Variants in HEATR5B observed in about 807,000 individuals in gnomAD.
The protein encoded by HEATR5B is HEAT repeat-containing protein 5B.
Under a neutral mutation model 224.1 loss-of-function variants are expected in HEATR5B, and 156 were observed. That is an observed-to-expected ratio of 0.70 (90% confidence interval 0.61 to 0.80). The LOEUF (loss-of-function observed/expected upper bound fraction) is 0.80, where lower values mean the gene tolerates loss of function less well. Ranked by LOEUF, HEATR5B falls within the 30% of genes least tolerant of loss-of-function variation. The pLI is 0.00. For missense variants in HEATR5B, 2,323 were observed against 2,535.5 expected (o/e 0.92, Z 1.80); for synonymous variants, 1,027 against 893.0 (o/e 1.15, Z -2.68).
Position 37,005,633 on chromosome 2 carries a change from T to G in HEATR5B, c.4904A>C (p.Gln1635Pro). The G allele has an allele frequency of 6.2e-7, 1 of 1,613,240 alleles. No individual in the cohort carries two copies. Among genetic ancestry groups the G allele is most frequent in the East Asian group, 2.2e-5 (1 of 44,844 alleles). Residue 1635 changes from glutamine (Q) to proline (P), a missense_variant and splice_region_variant, in exon 30 of 36, where the codon CAG becomes CCG. By Grantham distance (76) the Gln-to-Pro change is moderately conservative. Around this residue, in one of 12 missense-constraint regions of HEATR5B, gnomAD observed 844 missense variants for 812.9 expected, o/e 1.04. Coordinates refer to ENST00000233099, the MANE Select transcript of HEATR5B (RefSeq NM_019024.3). ...ATCTATCATAGCAATACACTGTACC[T>G]GATCTTCTGCAATATGGACTCGAGC... ...PYARVHIAED[Q>P]LIGVELLSVL...
chr2:37,069,703 G>A (rs965558583), intron 7 of HEATR5B, among the ~76,000 whole-genome samples: 1 of 152,100 alleles, frequency 6.6e-6, no homozygotes, highest in African/African-American at 2.4e-5. Flanking sequence ...CACAAATATG[G>A]TAGACACAGG....
chr2:37,025,130 T>C (rs1238491647), intron 24 of HEATR5B, among the ~76,000 whole-genome samples: 1 of 152,164 alleles, frequency 6.6e-6, no homozygotes, highest in Non-Finnish European at 1.5e-5. Context: ...TACTCTGCCA[T>C]GACTGTTCAG....
intron 26 of HEATR5B, 32 bp from the exon 27 acceptor site, chr2:37,014,052 A>G: frequency 1.6e-6 from 2 of 1,242,506 alleles, no homozygotes; most frequent in Non-Finnish European, 2.2e-6. Context: ...ACTTTTGTGT[A>G]AAAAAAATTA....
intron 14 of HEATR5B, 105 bp from the exon 15 acceptor site, chr2:37,057,585 A>T (rs1156488016): frequency 1.4e-6 from 1 of 695,804 alleles, no homozygotes; most frequent in Non-Finnish European, 2.3e-6. Context: ...TAAAATAATT[A>T]AGTCTCTGTT....
intron 33 of HEATR5B, among the ~76,000 whole-genome samples, chr2:36,991,733 T>C (rs183227491): frequency 6.6e-5 from 10 of 152,300 alleles, no homozygotes; most frequent in African/African-American, 2.2e-4. Flanking sequence ...CTGATCCCTA[T>C]CTTTTGTGTA....
At chr2:37,061,745 T>C (rs1175898709) in intron 11 of HEATR5B, among the ~76,000 whole-genome samples, 194 bp downstream of exon 11, 1 of 152,214 alleles carries the variant, frequency 6.6e-6, no homozygotes, top group Non-Finnish European at 1.5e-5. Context: ...AACAACTTTC[T>C]CATTAAATGT....
intron 10 of HEATR5B, among the ~76,000 whole-genome samples, chr2:37,063,129 G>T (rs138368761): frequency 5.3e-5 from 8 of 152,232 alleles, no homozygotes; most frequent in African/African-American, 1.7e-4. Flanking sequence ...ATGCATAATA[G>T]GAGTTCAACA....
intron 18 of HEATR5B, among the ~76,000 whole-genome samples, chr2:37,047,434 A>T (rs1670275768): frequency 6.6e-6 from 1 of 152,268 alleles, no homozygotes; most frequent in Admixed American, 6.5e-5. Context: ...TTTCTCAAAA[A>T]GTAACAGGTT....
intron 16 of HEATR5B, among the ~76,000 whole-genome samples, chr2:37,055,261 T>C (rs1348726702): frequency 6.6e-6 from 1 of 152,036 alleles, no homozygotes. Context: ...CTTATCCTCC[T>C]ACTGTTGAAT....
chr2:37,081,433 C>T (rs1238102365), intron 2 of HEATR5B, among the ~76,000 whole-genome samples: 2 of 152,034 alleles, frequency 1.3e-5, no homozygotes, highest in Non-Finnish European at 1.5e-5. Flanking sequence ...AGCACAAATC[C>T]AAAGGGTAAA....
intron 21 of HEATR5B, among the ~76,000 whole-genome samples, chr2:37,037,514 C>T (rs185015440): frequency 6.6e-6 from 1 of 151,696 alleles, no homozygotes; most frequent in African/African-American, 2.4e-5. Context: ...AAAGAGAACA[C>T]CAGTGAATAA....
intron 6 of HEATR5B, among the ~76,000 whole-genome samples, 175 bp downstream of exon 6, chr2:37,071,935 G>A (rs527795061): frequency 2.6e-5 from 4 of 152,046 alleles, no homozygotes; most frequent in Admixed American, 1.3e-4. Flanking sequence ...CACCTGTCTC[G>A]GCCTCCCAGA....
intron 17 of HEATR5B, among the ~76,000 whole-genome samples, 174 bp downstream of exon 17, chr2:37,053,324 CATTT>C (rs1243210225): frequency 1.3e-5 from 2 of 152,166 alleles, no homozygotes; most frequent in African/African-American, 4.8e-5. Flanking sequence ...AAATATAAAA[CATTT>C]ATTTAACTAC....
intron 25 of HEATR5B, 144 bp downstream of exon 25, chr2:37,020,511 G>C (rs1188604543): frequency 1.9e-6 from 1 of 515,768 alleles, no homozygotes; most frequent in Non-Finnish European, 3.3e-6. Flanking sequence ...CTAAAACTAG[G>C]TAACAGACAA....
At chr2:37,025,983 T>C (rs900676290) in intron 24 of HEATR5B, among the ~76,000 whole-genome samples, 9 of 152,170 alleles carry the variant, frequency 5.9e-5, no homozygotes, top group Admixed American at 5.2e-4. Context: ...AACCTGTGAA[T>C]ATGTTACCTT....
At chr2:37,069,180 G>C (rs1328312217) in intron 7 of HEATR5B, among the ~76,000 whole-genome samples, 1 of 152,188 alleles carries the variant, frequency 6.6e-6, no homozygotes, top group Admixed American at 6.5e-5. Flanking sequence ...AGCAGTGAGA[G>C]GGAAGGGAAG....
At chr2:37,048,945 T>C (rs2148519789) in intron 18 of HEATR5B, among the ~76,000 whole-genome samples, 1 of 152,364 alleles carries the variant, frequency 6.6e-6, no homozygotes. Flanking sequence ...TGACATAGTT[T>C]GCTATATTTA....
At chr2:37,070,408 A>C in intron 6 of HEATR5B, 21 bp from the exon 7 acceptor site, 1 of 1,600,356 alleles carries the variant, frequency 6.2e-7, no homozygotes, top group Non-Finnish European at 8.6e-7. Context: ...GAAAAATTAA[A>C]GTATAAGCAA....
At position 37,079,229 on chromosome 2, in the gene HEATR5B, C is replaced by T. The variant is rs745951911; in HGVS notation, c.229G>A (p.Ala77Thr). Residue 77 changes from alanine (A) to threonine (T), a missense_variant, in exon 3 of 36, where the codon GCA becomes ACA. Ala to Thr is a moderately conservative substitution (Grantham distance 58). Transcript: ENST00000233099. ...GTATCCCCAATGCTATAAAGGGCTG[C>T]GAGATTTTTAGCTAATAATTTTCGT... Reference protein sequence around the residue: ...PTRKLLAKNLAALYSIGDTFT... With the variant: ...PTRKLLAKNLTALYSIGDTFT... 1.0e-5 allele frequency: 16 copies of T among 1,606,446 alleles called. No homozygotes were observed. Among genetic ancestry groups the T allele is most frequent in the Non-Finnish European group, 1.3e-5 (15 of 1,173,274 alleles).
Sources: allele counts gnomAD v4.1 joint callset (sites outside exome capture counted in the v4.1 genomes callset), GRCh38; gene constraint gnomAD v4.1.1; regional missense constraint gnomAD v4.1.1; transcripts MANE v1.5; gene names NCBI Gene and HGNC (gene_info 2026-07-23, HGNC 2026-07-21).